The following CFAP91 variants were observed in gnomAD, a reference collection of about 807,000 sequenced individuals.
CFAP91 encodes the protein cilia- and flagella-associated protein 91.
CFAP91 carries 85 observed loss-of-function variants against 95.9 expected under a neutral mutation model. The ratio of observed to expected loss-of-function variants is 0.89; its 90% CI spans 0.74 to 1.06. The LOEUF (loss-of-function observed/expected upper bound fraction) is 1.06. Ranked by LOEUF, CFAP91 falls within the 50% of genes least tolerant of loss-of-function variation. The probability of loss-of-function intolerance (pLI) is 0.00; values close to 1 mark genes in which losing one functional copy is unlikely to be tolerated. For synonymous variants in CFAP91, 335 were observed against 327.5 expected (o/e 1.02, Z -0.25); for missense variants, 962 against 943.4 (o/e 1.02, Z -0.26).
chr3:119,747,149 A>G lies in CFAP91; in HGVS notation c.1937A>G (p.Tyr646Cys), dbSNP rs748295723. 6.2e-7 allele frequency: 1 copy of G among 1,612,856 alleles called. No homozygotes were observed. The change falls in exon 15 of 18, where the codon TAC (tyrosine) becomes TGC (cysteine). Residue 646 changes from tyrosine (Y) to cysteine (C), a missense_variant. Physicochemically the swap from Tyr to Cys is radical, Grantham distance 194. Transcript: ENST00000273390. ...VKVHHSTISS[Y>C]LEDIILNTEA... ...GTTCACCATAGTACTATAAGCTCCT[A>G]CCTAGAAGACATAATACTGAATACC...
Position 119,705,592 on chromosome 3 carries a change from T to G in CFAP91, c.125-1217T>G, listed in dbSNP as rs372364022. 1.2e-4 allele frequency among the ~76,000 whole-genome samples: 19 copies of G among 152,350 alleles called. No homozygotes were observed. In the South Asian group the frequency reaches 3.9e-3, roughly 32 times the overall value. On this transcript the variant is annotated intron_variant, in intron 1 of 17. Coordinates refer to ENST00000273390, the MANE Select transcript of CFAP91 (RefSeq NM_033364.4). Reference sequence around the variant, plus strand: ...TCCCTCACCTTCAAGTCTCCTTACATGCCACCTTCTCAAGGGCCTGCCCCG... The same window carrying G: ...TCCCTCACCTTCAAGTCTCCTTACAGGCCACCTTCTCAAGGGCCTGCCCCG...
intron 7 of CFAP91, among the ~76,000 whole-genome samples, chr3:119,728,360 C>A (rs2053826909): frequency 6.6e-6 from 1 of 152,124 alleles, no homozygotes; most frequent in South Asian, 2.1e-4. Flanking sequence ...GGGGTTGAGG[C>A]CCAGCAATCT....
intron 6 of CFAP91, among the ~76,000 whole-genome samples, chr3:119,722,568 A>G (rs1051788152): frequency 6.6e-6 from 1 of 152,158 alleles, no homozygotes; most frequent in Non-Finnish European, 1.5e-5. Flanking sequence ...AGCTCACTGC[A>G]GCCTCAAACC....
intron 13 of CFAP91, among the ~76,000 whole-genome samples, chr3:119,742,931 T>C (rs2054147633): frequency 6.6e-6 from 1 of 152,144 alleles, no homozygotes; most frequent in African/African-American, 2.4e-5. Flanking sequence ...GACTGGAAGA[T>C]GAACCCTTTT....
At chr3:119,711,077 T>G (rs1339140821) in intron 5 of CFAP91, among the ~76,000 whole-genome samples, 1 of 152,230 alleles carries the variant, frequency 6.6e-6, no homozygotes, top group Non-Finnish European at 1.5e-5. Flanking sequence ...TTTTCAAGGG[T>G]GCATTTAAAG....
chr3:119,715,601 C>T lies in CFAP91; in HGVS notation c.540C>T (p.His180=), dbSNP rs1253373781. The T allele has an allele frequency of 6.2e-7, 1 of 1,613,964 alleles. No individual in the cohort carries two copies. The highest frequency in any genetic ancestry group is 1.3e-5 in the African/African-American group (1 of 74,916). The change falls in exon 6 of 18, where the codon CAC becomes CAT. Residue 180 remains histidine (H), a synonymous_variant. Transcript: ENST00000273390. ...PYTFPPTSTK[H]LSIPSKSTVG... The stretch of plus-strand genomic sequence containing the variant: ...CTTTTCCTCCTACTTCTACTAAGCA[C>T]CTATCCATCCCTTCAAAGTCTACTG...
intron 8 of CFAP91, 55 bp from the exon 9 acceptor site, chr3:119,732,239 T>G: frequency 7.2e-7 from 1 of 1,386,560 alleles, no homozygotes; most frequent in Non-Finnish European, 9.9e-7. Context: ...CTCTTCTGCA[T>G]TTGTAATTCA....
chr3:119,715,831 G>A, intron 6 of CFAP91, 88 bp downstream of exon 6: 1 of 1,210,978 alleles, frequency 8.3e-7, no homozygotes, highest in Non-Finnish European at 1.2e-6. Flanking sequence ...AGGCAATTGT[G>A]GTTTACAGTG....
rs145978506 is a variant in CFAP91, at chr3:119,718,501, A to T, written c.682+2758A>T. Among the ~76,000 whole-genome samples the T allele has an allele frequency of 5.9e-5, 9 of 152,314 alleles. No individual in the cohort carries two copies. In the East Asian group the frequency reaches 1.7e-3, roughly 29 times the overall value. The stretch of plus-strand genomic sequence containing the variant: ...ATGGTAGAGAAGCAATGCAAGAATC[A>T]GTGGCTGAGAACTCCCCAGAACTAA... On this transcript the variant is annotated intron_variant, in intron 6 of 17. Coordinates refer to ENST00000273390, the MANE Select transcript of CFAP91 (RefSeq NM_033364.4).
At chr3:119,711,794 A>G (rs1400599181) in intron 5 of CFAP91, among the ~76,000 whole-genome samples, 2 of 152,186 alleles carry the variant, frequency 1.3e-5, no homozygotes, top group Non-Finnish European at 1.5e-5. Flanking sequence ...TTTCCTTTGG[A>G]TTCTACATAA....
chr3:119,757,837 A>G (rs1462922737), intron 17 of CFAP91, among the ~76,000 whole-genome samples: 1 of 152,144 alleles, frequency 6.6e-6, no homozygotes, highest in African/African-American at 2.4e-5. Context: ...GGATTGGGGT[A>G]CAGAGGAGCC....
rs1418579883 is a variant in CFAP91 at position 119,703,157 on chromosome 3, G to C, written c.59G>C (p.Arg20Pro). 1.9e-6 allele frequency: 3 copies of C among 1,601,722 alleles called. No individual in the cohort carries two copies. The highest frequency in any genetic ancestry group is 2.7e-5 in the African/African-American group (2 of 74,762). The change falls in exon 1 of 18, where the codon CGG (arginine) becomes CCG (proline). Residue 20 changes from arginine to proline, a missense_variant. By Grantham distance (103) the Arg-to-Pro change is moderately radical (BLOSUM62 -2). Coordinates refer to ENST00000273390, the MANE Select transcript of CFAP91 (RefSeq NM_033364.4). ...GCCCAGCCGCAGGTGTCTCAAACTCGGTACCGGGAGAGGTCGCGGGCTGGG... is the reference window on the plus strand; with the variant it reads ...GCCCAGCCGCAGGTGTCTCAAACTCCGTACCGGGAGAGGTCGCGGGCTGGG... ...PQAQPQVSQT[R>P]YRERSRAGSH... is the part of the protein sequence containing the mutation.
At chr3:119,764,769 G>T (rs946104092) in intron 17 of CFAP91, among the ~76,000 whole-genome samples, 1 of 152,030 alleles carries the variant, frequency 6.6e-6, no homozygotes, top group African/African-American at 2.4e-5. Context: ...TTCTCATGTT[G>T]ACATTCTTTT....
intron 1 of CFAP91, among the ~76,000 whole-genome samples, chr3:119,705,495 A>G: frequency 6.6e-6 from 1 of 151,794 alleles, no homozygotes; most frequent in East Asian, 1.9e-4. Context: ...CATCCTAGGG[A>G]CTTTGCTGTT....
intron 3 of CFAP91, 21 bp downstream of exon 3, chr3:119,707,582 G>C: frequency 6.5e-7 from 1 of 1,529,552 alleles, no homozygotes; most frequent in Non-Finnish European, 8.9e-7. Flanking sequence ...GGTGGCTCCA[G>C]GGCCTAAAAT....
At chr3:119,708,561 C>G (rs768903899) in intron 3 of CFAP91, 30 bp from the exon 4 acceptor site, 2 of 1,416,760 alleles carry the variant, frequency 1.4e-6, no homozygotes, top group Admixed American at 3.6e-5. Flanking sequence ...ATATTTTAGA[C>G]TTGAATAATG....
intron 7 of CFAP91, among the ~76,000 whole-genome samples, chr3:119,728,444 A>G (rs749456570): frequency 6.6e-6 from 1 of 151,208 alleles, no homozygotes; most frequent in African/African-American, 2.5e-5. Flanking sequence ...TCGTGTATAC[A>G]TTAACTCACG....
chr3:119,745,277 T>G (rs981343720), intron 14 of CFAP91, among the ~76,000 whole-genome samples: 2 of 152,210 alleles, frequency 1.3e-5, no homozygotes, highest in Non-Finnish European at 2.9e-5. Context: ...AAGAGAAATA[T>G]GCTTGCACAT....
At chr3:119,715,772 C>A in intron 6 of CFAP91, 29 bp downstream of exon 6, 5 of 1,599,638 alleles carry the variant, frequency 3.1e-6, no homozygotes, top group Non-Finnish European at 4.3e-6. Context: ...TGACTATTGG[C>A]AGATGACGAT....
Sources: gnomAD v4.1 joint callset for allele counts (sites outside exome capture counted in the v4.1 genomes callset) on GRCh38, gnomAD v4.1.1 for gene constraint, MANE v1.5 for transcripts, NCBI Gene and HGNC (gene_info 2026-07-23, HGNC 2026-07-21) for gene names.